The following NAA50 variants were observed in gnomAD, a reference collection of about 807,000 sequenced individuals.
NAA50 encodes N-alpha-acetyltransferase 50, NatE catalytic subunit, also known as N-alpha-acetyltransferase 50.
NAA50 carries 7 observed loss-of-function variants against 20.7 expected under a neutral mutation model. The observed-to-expected ratio is 0.34, with a 90% CI of 0.19 to 0.63. The LOEUF (loss-of-function observed/expected upper bound fraction) is 0.63, where lower values mean the gene tolerates loss of function less well. NAA50 is among the 30% of genes least tolerant of loss of function. The pLI is 0.75. For synonymous variants in NAA50, 54 were observed against 70.6 expected (o/e 0.77, Z 1.18); for missense variants, 111 against 199.1 (o/e 0.56, Z 2.66).
intron 1 of NAA50, among the ~76,000 whole-genome samples, chr3:113,741,530 C>G (rs1708417355): frequency 6.6e-6 from 1 of 152,198 alleles, no homozygotes; most frequent in South Asian, 2.1e-4. Context: ...CTTCAGATAT[C>G]ACACAGCTGA....
Position 113,720,042 on chromosome 3 carries a change from C to G in NAA50, c.*1718G>C, listed in dbSNP as rs1004248100. On this transcript the variant is annotated 3_prime_UTR_variant, in exon 5 of 5. Transcript: ENST00000240922. The stretch of plus-strand genomic sequence containing the variant: ...TGGATTGTTTAAGAAACGAATACCC[C>G]CAAAAAACCAGCAAGGTCTTTCTAC... The G allele has an allele frequency of 4.6e-5, 7 of 152,544 alleles. No homozygotes were observed. The highest frequency in any genetic ancestry group is 1.7e-4 in the African/African-American group (7 of 41,432). The allele number at this position is 152,544 out of a possible 1,614,324, so 9.4% of individuals were successfully genotyped here.
chr3:113,720,533 G>C lies in NAA50; in HGVS notation c.*1227C>G, dbSNP rs1708122327. The C allele has an allele frequency of 6.6e-6, 1 of 152,556 alleles. No individual in the cohort carries two copies. The highest frequency in any genetic ancestry group is 2.1e-4 in the South Asian group (1 of 4,832). The allele number at this position is 152,556 out of a possible 1,614,324, so 9.5% of individuals were successfully genotyped here. On this transcript the variant is annotated 3_prime_UTR_variant, in exon 5 of 5. Coordinates refer to ENST00000240922, the MANE Select transcript of NAA50 (RefSeq NM_025146.4). The stretch of plus-strand genomic sequence containing the variant: ...AGTGGAGGAGGTCACAGTGACATTT[G>C]TATTATTAACATTTTACACTTCTAT...
At position 113,729,596 on chromosome 3, in the gene NAA50, T is replaced by G. The variant is rs1271761274; in HGVS notation, c.9-5501A>C. 5.9e-5 allele frequency among the ~76,000 whole-genome samples: 9 copies of G among 151,830 alleles called. No homozygotes were observed. The East Asian group carries it at 1.2e-3, about 20-fold the overall frequency. On this transcript the variant is annotated intron_variant, in intron 1 of 4. Coordinates refer to ENST00000240922, the MANE Select transcript of NAA50 (RefSeq NM_025146.4). ...CTCAACTCTGTTGCCCAGGCTAGAG[T>G]GCAGTAGCACAGTCTTGGCTTGCTG...
chr3:113,744,229 A>G (rs1475005039), intron 1 of NAA50, among the ~76,000 whole-genome samples: 3 of 152,172 alleles, frequency 2.0e-5, no homozygotes, highest in Non-Finnish European at 4.4e-5. Flanking sequence ...TGGGAGGCAG[A>G]GGTGGGTGGA....
chr3:113,739,275 A>G (rs1471561692), intron 1 of NAA50, among the ~76,000 whole-genome samples: 1 of 152,200 alleles, frequency 6.6e-6, no homozygotes, highest in Admixed American at 6.5e-5. Context: ...CAGCCACAAT[A>G]TGTTTTCCTG....
chr3:113,728,287 T>C (rs1469764703), intron 1 of NAA50, among the ~76,000 whole-genome samples: 1 of 152,338 alleles, frequency 6.6e-6, no homozygotes, highest in South Asian at 2.1e-4. Context: ...ATGAACATAA[T>C]AGAGTTGCCT....
In NAA50 at chr3:113,721,458, T is replaced by C. The variant is rs1577066539; in HGVS notation, c.*302A>G. ...TCAATGTGAAAGCAGGACATTAAAT[T>C]TGAAATTATTTGACAATTAAATGTT... is the stretch of plus-strand genomic sequence containing the variant. On this transcript the variant is annotated 3_prime_UTR_variant, in exon 5 of 5. Coordinates refer to ENST00000240922, the MANE Select transcript of NAA50 (RefSeq NM_025146.4). 6.0e-6 allele frequency: 2 copies of C among 334,066 alleles called. No individual in the cohort carries two copies. Among genetic ancestry groups the C allele is most frequent in the Non-Finnish European group, 1.1e-5 (2 of 182,770 alleles). 20.7% of individuals were successfully genotyped at this position (334,066 alleles called of 1,614,324 possible).
intron 2 of NAA50, 28 bp from the exon 3 acceptor site, chr3:113,723,569 G>T (rs1708162402): frequency 6.3e-7 from 1 of 1,584,956 alleles, no homozygotes; most frequent in African/African-American, 1.4e-5. Flanking sequence ...AAGATATAAT[G>T]TTGAACAGAC....
In NAA50 at chr3:113,724,102, CA is replaced by C. The variant is rs1708171218; in HGVS notation, c.9-8del. 1.3e-6 allele frequency: 2 copies of C among 1,561,230 alleles called. No individual in the cohort carries two copies. The highest frequency in any genetic ancestry group is 8.7e-7 in the Non-Finnish European group (1 of 1,152,136). ...TCCCAGCTCGATCCGGCTACTGGAACAAATCAAAATGTACTCAATAAAACAT... is the reference window on the plus strand; with the variant it reads ...TCCCAGCTCGATCCGGCTACTGGAACAATCAAAATGTACTCAATAAAACAT... On this transcript the variant is annotated splice_polypyrimidine_tract_variant and splice_region_variant and intron_variant, in intron 1 of 4. Coordinates refer to ENST00000240922, the MANE Select transcript of NAA50 (RefSeq NM_025146.4).
At chr3:113,742,425 CTTTTTTTT>C (rs770744656) in intron 1 of NAA50, among the ~76,000 whole-genome samples, 21 of 130,216 alleles carry the variant, frequency 1.6e-4, no homozygotes, top group Admixed American at 6.3e-4. Context: ...GCATGCCTGG[CTTTTTTTT>C]TTTTTTTTTT....
rs1003324429 is a variant in NAA50, at chr3:113,721,763, G to C, written c.507C>G (p.Asn169Lys). 6.2e-7 allele frequency: 1 copy of C among 1,613,662 alleles called. No homozygotes were observed. Among genetic ancestry groups the C allele is most frequent in the African/African-American group, 1.3e-5 (1 of 74,908 alleles). The change falls in exon 5 of 5, where the codon AAC becomes AAG. Residue 169 changes from asparagine to lysine, a missense_variant. By Grantham distance (94) the Asn-to-Lys change is moderately conservative (BLOSUM62 0). Transcript: ENST00000240922. ...GQNADVQKTD[N>K] The stretch of plus-strand genomic sequence containing the variant: ...AGAAAGTTCATTTGTAATTTGTTCA[G>C]TTGTCTGTCTTTTGCACATCTGCAT...
chr3:113,722,572 G>C (rs1195233545), intron 4 of NAA50, among the ~76,000 whole-genome samples: 1 of 151,998 alleles, frequency 6.6e-6, no homozygotes, highest in Non-Finnish European at 1.5e-5. Context: ...TATCAACATA[G>C]CCTTGAACAA....
At position 113,719,766 on chromosome 3, in the gene NAA50, G is replaced by A. The variant is rs1708109961; in HGVS notation, c.*1994C>T. ...TAGGTTTTCAATAACCACATTTAGG[G>A]ATACATTCATAGGACTGATTAGATA... On this transcript the variant is annotated 3_prime_UTR_variant, in exon 5 of 5. Transcript: ENST00000240922. 1 of 152,564 alleles carries A rather than the reference G, an allele frequency of 6.6e-6. No individual in the cohort carries two copies. The highest frequency in any genetic ancestry group is 1.5e-5 in the Non-Finnish European group (1 of 68,002). 9.5% of individuals were successfully genotyped at this position (152,564 alleles called of 1,614,324 possible).
intron 1 of NAA50, among the ~76,000 whole-genome samples, chr3:113,739,981 C>G (rs1559742279): frequency 6.6e-6 from 1 of 152,238 alleles, no homozygotes; most frequent in Non-Finnish European, 1.5e-5. Context: ...ATCATTTCAA[C>G]ATGTAATCAA....
chr3:113,740,609 C>A (rs1365058621), intron 1 of NAA50, among the ~76,000 whole-genome samples: 1 of 152,200 alleles, frequency 6.6e-6, no homozygotes, highest in Non-Finnish European at 1.5e-5. Context: ...CTCCTGGGCT[C>A]AAGTGATCCT....
At chr3:113,733,829 G>A (rs1254865565) in intron 1 of NAA50, among the ~76,000 whole-genome samples, 1 of 136,598 alleles carries the variant, frequency 7.3e-6, no homozygotes, top group African/African-American at 2.9e-5. Context: ...CTCCAGCCTG[G>A]GTGACAGAGC....
chr3:113,724,903 G>A (rs527284071), intron 1 of NAA50, among the ~76,000 whole-genome samples: 4 of 152,142 alleles, frequency 2.6e-5, no homozygotes, highest in Non-Finnish European at 5.9e-5. Flanking sequence ...AGAATGATGT[G>A]TTTGCTTCCC....
intron 1 of NAA50, 79 bp from the exon 2 acceptor site, chr3:113,724,174 T>C: frequency 1.5e-6 from 2 of 1,317,982 alleles, no homozygotes; most frequent in Admixed American, 2.8e-5. Context: ...GGGTACCAAG[T>C]CTTTTTTACA....
intron 1 of NAA50, 23 bp from the exon 2 acceptor site, chr3:113,724,118 C>A (rs1179991460): frequency 6.5e-7 from 1 of 1,528,550 alleles, no homozygotes; most frequent in Non-Finnish European, 8.8e-7. Flanking sequence ...AAAATGTACT[C>A]AATAAAACAT....
Sources: gnomAD v4.1 joint callset for allele counts (sites outside exome capture counted in the v4.1 genomes callset) on GRCh38, gnomAD v4.1.1 for gene constraint, MANE v1.5 for transcripts, NCBI Gene and HGNC (gene_info 2026-07-23, HGNC 2026-07-21) for gene names.